The following RAF1 variants were observed in gnomAD, a reference collection of about 807,000 sequenced individuals.
The protein encoded by RAF1 is Raf-1 proto-oncogene, serine/threonine kinase, also known as RAF proto-oncogene serine/threonine-protein kinase.
RAF1 carries 27 observed loss-of-function variants against 81.1 expected under a neutral mutation model. The observed-to-expected ratio is 0.33, with a 90% CI of 0.25 to 0.46. The LOEUF (loss-of-function observed/expected upper bound fraction) is 0.46, where lower values mean the gene tolerates loss of function less well. Ranked by LOEUF, RAF1 falls within the 20% of genes least tolerant of loss-of-function variation. RAF1 has a pLI of 1.00. For synonymous variants in RAF1, 298 were observed against 294.0 expected, an observed-to-expected ratio of 1.01 and a Z score of -0.14; for missense variants, 598 against 826.0, an observed-to-expected ratio of 0.72 and a Z score of 3.38.
At chr3:12,634,153 C>CTTT (rs71063851) in intron 1 of RAF1, among the ~76,000 whole-genome samples, 32,077 of 141,158 alleles carry the variant, frequency 0.23, 4,163 homozygotes, top group African/African-American at 0.36. Context: ...TCCTTTCTCT[C>CTTT]TTTTTTTTTT....
chr3:12,660,390 T>C (rs1021238070), intron 1 of RAF1, among the ~76,000 whole-genome samples: 2 of 151,982 alleles, frequency 1.3e-5, no homozygotes, highest in African/African-American at 4.8e-5. Context: ...TCAATCTCCC[T>C]GGGCTCAGGT....
At chr3:12,652,421 T>A (rs2060561508) in intron 1 of RAF1, among the ~76,000 whole-genome samples, 1 of 151,824 alleles carries the variant, frequency 6.6e-6, no homozygotes, top group Non-Finnish European at 1.5e-5. Flanking sequence ...CTCGGGAGGC[T>A]GAGGCAAGAG....
rs757219412 is a variant in RAF1, at chr3:12,609,280, GTTC to G, written c.373_375del (p.Glu125del). The G allele has an allele frequency of 1.2e-6, 2 of 1,613,744 alleles. No individual in the cohort carries two copies. On this transcript the variant is annotated inframe_deletion, in exon 4 of 18. Transcript: ENST00000442415. ...ACATGATCCAGGAAATCTACTTGAA[GTTC>G]TTCTCCAATCAAAGACGCAGCATCA... is the stretch of plus-strand genomic sequence containing the variant.
intron 1 of RAF1, among the ~76,000 whole-genome samples, chr3:12,651,602 C>T (rs1041649982): frequency 1.1e-4 from 15 of 134,908 alleles, no homozygotes; most frequent in African/African-American, 3.5e-4. Flanking sequence ...TGCCGTGAGC[C>T]GAGATCGCAC....
Position 12,583,753 on chromosome 3 carries a change from A to G in RAF1, c.*761T>C, listed in dbSNP as rs2058217078. 1 of 232,920 alleles carries G rather than the reference A, an allele frequency of 4.3e-6. No homozygotes were observed. Among genetic ancestry groups the G allele is most frequent in the Admixed American group, 5.6e-5 (1 of 17,736 alleles). 14.4% of individuals were successfully genotyped at this position (232,920 alleles called of 1,614,324 possible). On this transcript the variant is annotated 3_prime_UTR_variant, in exon 18 of 18. Coordinates refer to ENST00000442415, the MANE Select transcript of RAF1 (RefSeq NM_001354689.3). ...TTCCTTGTATACACATGATGTGACT[A>G]GAGAAACAAGGCTGTTTGTTTGTTT... is the stretch of plus-strand genomic sequence containing the variant.
chr3:12,606,260 T>C lies in RAF1; in HGVS notation c.621A>G (p.Pro207=), dbSNP rs753219480. Reference sequence around the variant, plus strand: ...GACGCATAGTCAAAGAAGGTAGTGCTGGGACTCCACTATCACCAATAGTGG... The same window carrying C: ...GACGCATAGTCAAAGAAGGTAGTGCCGGGACTCCACTATCACCAATAGTGG... Residue 207 remains proline, a synonymous_variant, in exon 6 of 18, where the codon CCA becomes CCG. Coordinates refer to ENST00000442415, the MANE Select transcript of RAF1 (RefSeq NM_001354689.3). The C allele has an allele frequency of 6.2e-7, 1 of 1,614,004 alleles. No individual in the cohort carries two copies. The highest frequency in any genetic ancestry group is 1.1e-5 in the South Asian group (1 of 91,086).
At chr3:12,644,741 T>C (rs917077302) in intron 1 of RAF1, among the ~76,000 whole-genome samples, 2 of 152,170 alleles carry the variant, frequency 1.3e-5, no homozygotes, top group Admixed American at 6.5e-5. Flanking sequence ...AAATCAATCA[T>C]TATAATCAGG....
At chr3:12,605,004 G>A (rs2058980337) in intron 6 of RAF1, among the ~76,000 whole-genome samples, 1 of 152,122 alleles carries the variant, frequency 6.6e-6, no homozygotes, top group Non-Finnish European at 1.5e-5. Flanking sequence ...AAGGGAAATT[G>A]TTCTATTGTC....
At chr3:12,648,287 A>T (rs1457524423) in intron 1 of RAF1, among the ~76,000 whole-genome samples, 13 of 5,262 alleles carry the variant, frequency 2.5e-3, no homozygotes, top group East Asian at 0.062. Context: ...CAGCGAAGTT[A>T]AAAAAAAAAA....
At chr3:12,633,989 C>A (rs2059943617) in intron 1 of RAF1, among the ~76,000 whole-genome samples, 1 of 150,572 alleles carries the variant, frequency 6.6e-6, no homozygotes, top group African/African-American at 2.4e-5. Flanking sequence ...TCAAACTCTT[C>A]AACAACACTA....
intron 11 of RAF1, among the ~76,000 whole-genome samples, chr3:12,597,256 A>G (rs1190227349): frequency 6.6e-6 from 1 of 152,220 alleles, no homozygotes; most frequent in African/African-American, 2.4e-5. Flanking sequence ...TCTTTATGGA[A>G]GTAACACTGT....
At position 12,635,834 on chromosome 3, in the gene RAF1, G is replaced by A. The variant is rs200786926; in HGVS notation, c.-26-17087C>T. Among the ~76,000 whole-genome samples the A allele has an allele frequency of 2.0e-4, 31 of 151,592 alleles. No homozygotes were observed. In the East Asian group the frequency reaches 4.5e-3, roughly 22 times the overall value. ...TAAAAATACAAAAAATTAGCCAGGC[G>A]TGGTGGCAGGCACCTGTAGTCCCAG... On this transcript the variant is annotated intron_variant, in intron 1 of 17. Transcript: ENST00000442415.
chr3:12,652,039 T>C (rs987369836), intron 1 of RAF1, among the ~76,000 whole-genome samples: 10 of 147,678 alleles, frequency 6.8e-5, no homozygotes, highest in Non-Finnish European at 1.5e-4. Flanking sequence ...AATAAATAAA[T>C]AAATAAATAA....
chr3:12,585,988 C>G, intron 14 of RAF1, 189 bp from the exon 14 acceptor site: 2 of 591,156 alleles, frequency 3.4e-6, no homozygotes, highest in Non-Finnish European at 6.1e-6. Context: ...AGAAGACAGG[C>G]AGGGATTGGT....
intron 1 of RAF1, among the ~76,000 whole-genome samples, chr3:12,635,146 T>G (rs566944348): frequency 6.6e-6 from 1 of 151,168 alleles, no homozygotes; most frequent in African/African-American, 2.4e-5. Context: ...GGCAATATGA[T>G]GAAATCCTGT....
chr3:12,660,706 G>C (rs986302863), intron 1 of RAF1, among the ~76,000 whole-genome samples: 1 of 152,182 alleles, frequency 6.6e-6, no homozygotes. Flanking sequence ...GCCAGGCACA[G>C]TGGCTCACGC....
chr3:12,663,457 C>A (rs928005235), intron 1 of RAF1, among the ~76,000 whole-genome samples: 8 of 152,290 alleles, frequency 5.3e-5, no homozygotes, highest in Middle Eastern at 3.4e-3. Flanking sequence ...TTCGGCGGCC[C>A]AAGAGAAAAG....
intron 1 of RAF1, among the ~76,000 whole-genome samples, chr3:12,633,385 G>A (rs549902304): frequency 1.5e-4 from 23 of 151,780 alleles, no homozygotes; most frequent in South Asian, 1.2e-3. Context: ...GGCTGAGGTG[G>A]GAGGATCACT....
intron 1 of RAF1, among the ~76,000 whole-genome samples, chr3:12,628,233 C>T (rs545499503): frequency 3.3e-5 from 5 of 152,180 alleles, no homozygotes; most frequent in African/African-American, 4.8e-5. Context: ...GACCGAGGTA[C>T]GAAGATCACT....
Sources: gnomAD v4.1 joint callset for allele counts (sites outside exome capture counted in the v4.1 genomes callset) on GRCh38, gnomAD v4.1.1 for gene constraint, MANE v1.5 for transcripts, NCBI Gene and HGNC (gene_info 2026-07-23, HGNC 2026-07-21) for gene names.